CACNA1C: variants seen among roughly 807,000 people sequenced by gnomAD.
CACNA1C encodes the protein voltage-dependent L-type calcium channel subunit alpha-1C.
A neutral mutation model predicts 229.0 loss-of-function variants in CACNA1C; 30 were observed. That is an observed-to-expected ratio of 0.13 (90% CI 0.10 to 0.18). CACNA1C has a LOEUF of 0.18. Ranked by LOEUF, CACNA1C falls within the 10% of genes least tolerant of loss-of-function variation. The pLI is 1.00. For missense variants in CACNA1C, 1,658 were observed against 2,845.0 expected, an observed-to-expected ratio of 0.58 and a Z score of 9.49; for synonymous variants, 1,114 against 1,132.5, an observed-to-expected ratio of 0.98 and a Z score of 0.33.
chr12:2,198,453 C>T (rs1257801113), intron 3 of CACNA1C, among the ~76,000 whole-genome samples: 2 of 152,178 alleles, frequency 1.3e-5, no homozygotes, highest in African/African-American at 2.4e-5. Flanking sequence ...CAATTAATTA[C>T]AGCTCCGCAT....
Position 2,285,149 on chromosome 12 carries a change from T to C in CACNA1C, c.478-163827T>C, listed in dbSNP as rs947733610. Among the ~76,000 whole-genome samples the C allele has an allele frequency of 3.3e-5, 5 of 152,150 alleles. No individual in the cohort carries two copies. In the South Asian group the frequency reaches 1.0e-3, roughly 32 times the overall value. ...TGCTCCCTCTGTAGAAACACTCTGTTTCTCTCCATTCCATCCCTGCGTGTT... is the reference window on the plus strand; with the variant it reads ...TGCTCCCTCTGTAGAAACACTCTGTCTCTCTCCATTCCATCCCTGCGTGTT... On this transcript the variant is annotated intron_variant, in intron 3 of 46. Transcript: ENST00000399655. This position sits in a 1 kb window ranked among gnomAD's most constrained non-coding sequence, Gnocchi z 4.2.
chr12:2,388,191 G>A (rs2098425282), intron 3 of CACNA1C, among the ~76,000 whole-genome samples: 1 of 152,180 alleles, frequency 6.6e-6, no homozygotes, highest in Non-Finnish European at 1.5e-5. Context: ...TGTAAAATGA[G>A]TAAGTTCTAG....
chr12:2,358,548 C>T (rs951933246), intron 3 of CACNA1C, among the ~76,000 whole-genome samples: 1 of 152,018 alleles, frequency 6.6e-6, no homozygotes, highest in African/African-American at 2.4e-5. Context: ...TAGGAATTTA[C>T]GACTAATAAA....
At chr12:2,531,445 TA>T (rs2099840864) in intron 9 of CACNA1C, among the ~76,000 whole-genome samples, 1 of 152,162 alleles carries the variant, frequency 6.6e-6, no homozygotes, top group African/African-American at 2.4e-5. Flanking sequence ...TCCTCATAGG[TA>T]AAAGTAATAC....
intron 3 of CACNA1C, among the ~76,000 whole-genome samples, chr12:2,120,698 T>TGTG (rs2086283165): frequency 1.3e-5 from 1 of 79,966 alleles, no homozygotes; most frequent in Admixed American, 1.2e-4. Context: ...GTGTGTGTGT[T>TGTG]TAGTAGCAAA....
chr12:1,995,592 T>C (rs964738333), intron 1 of CACNA1C, among the ~76,000 whole-genome samples: 3 of 152,194 alleles, frequency 2.0e-5, no homozygotes, highest in Admixed American at 6.5e-5. Context: ...CCACCTCCCA[T>C]TGTTGCCTCC....
At position 2,526,238 on chromosome 12, in the gene CACNA1C, C is replaced by T. The variant is rs1457401893; in HGVS notation, c.1390+13254C>T. On this transcript the variant is annotated intron_variant, in intron 9 of 46. Coordinates refer to ENST00000399655, the MANE Select transcript of CACNA1C (RefSeq NM_000719.7). ...GGCTCCAGGTCCCTGAGTCTGTCCTCATTCCCTGGGCTTAATCATGCATCC... is the reference window on the plus strand; with the variant it reads ...GGCTCCAGGTCCCTGAGTCTGTCCTTATTCCCTGGGCTTAATCATGCATCC... Among the ~76,000 whole-genome samples the T allele has an allele frequency of 3.3e-5, 5 of 152,234 alleles. No homozygotes were observed. In the East Asian group the frequency reaches 9.6e-4, roughly 29 times the overall value.
chr12:2,136,082 G>C (rs1439279829), intron 3 of CACNA1C, among the ~76,000 whole-genome samples: 6 of 150,836 alleles, frequency 4.0e-5, no homozygotes, highest in African/African-American at 1.2e-4. Context: ...AGGTGCGTCC[G>C]TCACCCCTTT....
chr12:2,572,361 C>G (rs1293780864), intron 13 of CACNA1C, among the ~76,000 whole-genome samples: 7 of 43,720 alleles, frequency 1.6e-4, no homozygotes, highest in East Asian at 6.7e-4. Context: ...CTCCTCTCCT[C>G]CTCCTTCTCC....
At chr12:2,361,868 A>C (rs2097566421) in intron 3 of CACNA1C, among the ~76,000 whole-genome samples, 1 of 152,230 alleles carries the variant, frequency 6.6e-6, no homozygotes, top group African/African-American at 2.4e-5. Flanking sequence ...AGAGCAGTAG[A>C]CTTTTGCTAT....
Position 2,053,206 on chromosome 12 carries a change from C to A in CACNA1C, c.-357C>A. 1 of 1,008,088 alleles carries A rather than the reference C, an allele frequency of 9.9e-7. No individual in the cohort carries two copies. The highest frequency in any genetic ancestry group is 4.3e-5 in the South Asian group (1 of 23,370). The allele number at this position is 1,008,088 out of a possible 1,614,324, so 62.4% of individuals were successfully genotyped here. On this transcript the variant is annotated 5_prime_UTR_variant, in exon 1 of 47. Coordinates refer to ENST00000399655, the MANE Select transcript of CACNA1C (RefSeq NM_000719.7). The surrounding 1 kb of genome is among the most constrained non-coding windows in gnomAD (Gnocchi z 5.8). ...CCGGCCCAGGCGGGCCCCGCGCGCC[C>A]CCCGCCCCTCCTCTCCGCCTCTTCT... is the stretch of plus-strand genomic sequence containing the variant.
At chr12:2,204,796 G>T in intron 3 of CACNA1C, among the ~76,000 whole-genome samples, 1 of 118,646 alleles carries the variant, frequency 8.4e-6, no homozygotes. Flanking sequence ...ACTGTGGTGG[G>T]GTTGGGGGAG....
chr12:2,355,117 G>A (rs566623774), intron 3 of CACNA1C, among the ~76,000 whole-genome samples: 27 of 152,266 alleles, frequency 1.8e-4, no homozygotes, highest in Non-Finnish European at 2.2e-4. Flanking sequence ...ACCTTCTACC[G>A]CACACACCGT....
intron 13 of CACNA1C, among the ~76,000 whole-genome samples, chr12:2,579,113 T>C (rs1429866287): frequency 6.6e-6 from 1 of 152,030 alleles, no homozygotes. Flanking sequence ...CACCTGGCCC[T>C]CTCCCTCTGC....
At chr12:2,316,255 T>A (rs1168799861) in intron 3 of CACNA1C, among the ~76,000 whole-genome samples, 1 of 152,274 alleles carries the variant, frequency 6.6e-6, no homozygotes, top group Non-Finnish European at 1.5e-5. Context: ...CTTATCTGTA[T>A]GGTCTTGAGA....
Position 2,550,031 on chromosome 12 carries a change from G to A in CACNA1C, c.1479G>A (p.Leu493=), listed in dbSNP as rs1555775201. The change falls in exon 10 of 47, where the codon CTG becomes CTA. Residue 493 remains leucine (L), a splice_region_variant and synonymous_variant. Coordinates refer to ENST00000399655, the MANE Select transcript of CACNA1C (RefSeq NM_000719.7). Reference sequence around the variant, plus strand: ...AGGGAGAAAACTGCGGGGCCAGGCTGGCGTGAGTAGGCACGGCGAGCCCAG... The same window carrying A: ...AGGGAGAAAACTGCGGGGCCAGGCTAGCGTGAGTAGGCACGGCGAGCCCAG... ...DIEGENCGAR[L]AHRISKSKFS... is the part of the protein sequence containing the mutation. The A allele has an allele frequency of 3.1e-6, 5 of 1,598,068 alleles. No individual in the cohort carries two copies. Among genetic ancestry groups the A allele is most frequent in the Non-Finnish European group, 4.3e-6 (5 of 1,171,064 alleles).
intron 3 of CACNA1C, among the ~76,000 whole-genome samples, chr12:2,331,172 T>A (rs551839649): frequency 4.6e-5 from 7 of 152,290 alleles, no homozygotes; most frequent in African/African-American, 1.2e-4. Flanking sequence ...AGCAATAATT[T>A]AAAAAATTCT....
intron 16 of CACNA1C, 69 bp downstream of exon 16, chr12:2,584,686 G>T (rs934529631): frequency 3.1e-5 from 32 of 1,037,186 alleles, no homozygotes; most frequent in African/African-American, 6.3e-5. Flanking sequence ...CCCACTGGTG[G>T]CAGAGAGAGG....
intron 3 of CACNA1C, among the ~76,000 whole-genome samples, chr12:2,444,232 A>G (rs565763847): frequency 3.5e-4 from 54 of 152,316 alleles, no homozygotes; most frequent in African/African-American, 1.2e-3. Flanking sequence ...AAGGTCAGAA[A>G]GTCTGGTTTC....
Sources: gnomAD v4.1 joint callset for allele counts (sites outside exome capture counted in the v4.1 genomes callset) on GRCh38, gnomAD v4.1.1 for gene constraint, Gnocchi (gnomAD v3.1) non-coding constraint, MANE v1.5 for transcripts, NCBI Gene and HGNC (gene_info 2026-07-23, HGNC 2026-07-21) for gene names.